TGFBRAP1: variants seen among roughly 807,000 people sequenced by gnomAD.
TGFBRAP1 encodes the protein transforming growth factor-beta receptor-associated protein 1.
A neutral mutation model predicts 83.2 loss-of-function variants in TGFBRAP1; 20 were observed. The observed-to-expected ratio is 0.24, with a 90% CI of 0.17 to 0.35. The LOEUF (loss-of-function observed/expected upper bound fraction) is 0.35, where lower values mean the gene tolerates loss of function less well. TGFBRAP1 is among the 10% of genes least tolerant of loss of function. TGFBRAP1 has a pLI of 1.00. For synonymous variants in TGFBRAP1, 415 were observed against 459.8 expected (o/e 0.90, Z 1.25); for missense variants, 950 against 1,099.4 (o/e 0.86, Z 1.92).
chr2:105,262,057 T>C (rs542897322), downstream of TGFBRAP1, among the ~76,000 whole-genome samples: 41 of 152,276 alleles, frequency 2.7e-4, no homozygotes, highest in South Asian at 4.1e-4. Context: ...TAATGAAGAC[T>C]GAGACCACAC....
chr2:105,277,495 A>G, intron 7 of TGFBRAP1, 119 bp downstream of exon 7: 1 of 853,798 alleles, frequency 1.2e-6, no homozygotes, highest in Non-Finnish European at 2.0e-6. Flanking sequence ...ATTCTGTATA[A>G]AAGGGTGTAG....
At position 105,296,756 on chromosome 2, in the gene TGFBRAP1, CT is replaced by C. The variant is rs60031957; in HGVS notation, c.884-247del. On this transcript the variant is annotated intron_variant, in intron 3 of 11. Transcript: ENST00000393359. The stretch of plus-strand genomic sequence containing the variant: ...ATAATATCTTGCTTTCTTTTTTTGC[CT>C]TTTTTTTTTTTTTTTTTTTTTTTTT... 7.4e-3 allele frequency among the ~76,000 whole-genome samples: 540 copies of C among 73,194 alleles called. 1 individual carries two copies. The highest frequency in any genetic ancestry group is 0.017 in the African/African-American group (338 of 19,534). 48.0% of individuals were successfully genotyped at this position (73,194 alleles called of 152,430 possible).
chr2:105,308,419 A>G, intron 1 of TGFBRAP1, 101 bp from the exon 2 acceptor site: 4 of 1,193,908 alleles, frequency 3.4e-6, no homozygotes, highest in Non-Finnish European at 4.5e-6. Flanking sequence ...CATTTTCATT[A>G]AAGAAAGTCA....
At chr2:105,293,747 G>A (rs1394808621) in intron 4 of TGFBRAP1, among the ~76,000 whole-genome samples, 3 of 152,102 alleles carry the variant, frequency 2.0e-5, no homozygotes, top group Non-Finnish European at 2.9e-5. Context: ...CAAAAACCCC[G>A]TGCTGCCAAT....
chr2:105,282,831 G>GAAAAAAAAAAAA (rs11288685), intron 5 of TGFBRAP1, among the ~76,000 whole-genome samples: 1 of 133,002 alleles, frequency 7.5e-6, no homozygotes, highest in Non-Finnish European at 1.6e-5. Flanking sequence ...GCTTCAAAAC[G>GAAAAAAAAAAAA]AAAAAAAAAA....
At chr2:105,325,583 G>A (rs1412068597) in intron 1 of TGFBRAP1, among the ~76,000 whole-genome samples, 3 of 152,008 alleles carry the variant, frequency 2.0e-5, no homozygotes, top group Non-Finnish European at 4.4e-5. Flanking sequence ...GGTACTTAGA[G>A]TGGCATGCTG....
At chr2:105,291,586 G>A (rs769918789) in intron 4 of TGFBRAP1, among the ~76,000 whole-genome samples, 1 of 152,100 alleles carries the variant, frequency 6.6e-6, no homozygotes, top group Non-Finnish European at 1.5e-5. Context: ...AATATTATTC[G>A]GCCTTAAAAA....
intron 4 of TGFBRAP1, among the ~76,000 whole-genome samples, chr2:105,292,893 C>T (rs1677958686): frequency 6.6e-6 from 1 of 152,020 alleles, no homozygotes; most frequent in Non-Finnish European, 1.5e-5. Flanking sequence ...ATGAACCTAA[C>T]TACATATGTA....
rs1393305004 is a variant in TGFBRAP1 at position 105,325,986 on chromosome 2, T to G, written c.-18+3639A>C. 2.6e-5 allele frequency among the ~76,000 whole-genome samples: 4 copies of G among 152,124 alleles called. 1 individual carries two copies. The South Asian group carries it at 8.3e-4, about 31-fold the overall frequency. ...ACAGAGACAGCAAGATTAGTTATAG[T>G]GCAATGAACCTGCTCTGATAATCTG... On this transcript the variant is annotated intron_variant, in intron 1 of 11. Transcript: ENST00000393359.
At chr2:105,296,269 A>G (rs942219012) in intron 4 of TGFBRAP1, 87 bp downstream of exon 4, 15 of 1,521,830 alleles carry the variant, frequency 9.9e-6, no homozygotes, top group Non-Finnish European at 1.3e-5. Flanking sequence ...CCCGGTACAC[A>G]GGAAGGGCCG....
chr2:105,287,684 G>T (rs374291417), intron 4 of TGFBRAP1, among the ~76,000 whole-genome samples: 3 of 152,260 alleles, frequency 2.0e-5, no homozygotes, highest in Middle Eastern at 3.4e-3. Context: ...TGCCTGGCAT[G>T]CAGTAAGCAC....
chr2:105,270,232 T>A (rs1161445902), intron 10 of TGFBRAP1, among the ~76,000 whole-genome samples: 2 of 152,242 alleles, frequency 1.3e-5, no homozygotes, highest in African/African-American at 4.8e-5. Flanking sequence ...ATCTCTACAT[T>A]ACTCAACAGA....
At chr2:105,307,462 G>C in intron 2 of TGFBRAP1, 152 bp downstream of exon 2, 1 of 826,914 alleles carries the variant, frequency 1.2e-6, no homozygotes, top group Non-Finnish European at 1.9e-6. Context: ...ATTTCATCAA[G>C]CACTGGTCAA....
In TGFBRAP1 at chr2:105,280,719, C is replaced by T. The variant is rs56016004; in HGVS notation, c.1126G>A (p.Gly376Ser). The T allele has an allele frequency of 1.0e-4, 161 of 1,611,780 alleles. No individual in the cohort carries two copies. The highest frequency in any genetic ancestry group is 3.9e-4 in the African/African-American group (29 of 74,956). The change falls in exon 6 of 12, where the codon GGC becomes AGC. Residue 376 changes from glycine (G) to serine (S), a missense_variant. Coordinates refer to ENST00000393359, the MANE Select transcript of TGFBRAP1 (RefSeq NM_004257.6). ...FLEAKELFRS[G>S]QLDVRELISL... is the part of the protein sequence containing the mutation. ...ATCAGCTCCCGGACATCAAGCTGGC[C>T]GCTTCTGCAATTACAGTGTCAAACT...
chr2:105,297,976 A>T (rs6735430), intron 3 of TGFBRAP1, among the ~76,000 whole-genome samples: 33,979 of 152,112 alleles, frequency 0.22, 4,936 homozygotes, highest in East Asian at 0.54. Flanking sequence ...CAAGTGGCTC[A>T]CCATACACAC....
chr2:105,257,554 T>A, the TGFBRAP1 span, among the ~76,000 whole-genome samples: 2 of 152,198 alleles, frequency 1.3e-5, no homozygotes. Context: ...TGGCATAATG[T>A]CCTCAAGATT....
At chr2:105,301,590 A>ATTT (rs2104382449) in intron 2 of TGFBRAP1, among the ~76,000 whole-genome samples, 1 of 152,320 alleles carries the variant, frequency 6.6e-6, no homozygotes, top group South Asian at 2.1e-4. Flanking sequence ...CTCTCAAAAA[A>ATTT]AAGAAAAAAA....
At chr2:105,306,465 G>T (rs752916900) in intron 2 of TGFBRAP1, among the ~76,000 whole-genome samples, 2 of 152,120 alleles carry the variant, frequency 1.3e-5, no homozygotes, top group Non-Finnish European at 2.9e-5. Context: ...CCTGAGAAAA[G>T]GGAGGTCTGG....
intron 2 of TGFBRAP1, among the ~76,000 whole-genome samples, chr2:105,305,004 C>CA (rs1447909873): frequency 3.3e-5 from 5 of 152,156 alleles, no homozygotes; most frequent in Non-Finnish European, 7.4e-5. Context: ...AATGACACTA[C>CA]AATGGCGGAT....
Sources: gnomAD v4.1 joint callset for allele counts (sites outside exome capture counted in the v4.1 genomes callset) on GRCh38, gnomAD v4.1.1 for gene constraint, MANE v1.5 for transcripts, NCBI Gene and HGNC (gene_info 2026-07-23, HGNC 2026-07-21) for gene names.